The following KIF9 variants were observed in gnomAD, a reference collection of about 807,000 sequenced individuals.
KIF9 encodes the protein kinesin family member 9.
KIF9 carries 68 observed loss-of-function variants against 94.8 expected under a neutral mutation model. The observed-to-expected ratio is 0.72, with a 90% CI of 0.59 to 0.88. The LOEUF is 0.88. KIF9 is among the 40% of genes least tolerant of loss of function. KIF9 has a pLI of 0.00. For missense variants in KIF9, 882 were observed against 982.5 expected (o/e 0.90, Z 1.37); for synonymous variants, 343 against 362.1 (o/e 0.95, Z 0.60).
At chr3:47,237,187 G>C (rs1699091305) in intron 17 of KIF9, among the ~76,000 whole-genome samples, 2 of 152,076 alleles carry the variant, frequency 1.3e-5, no homozygotes, top group South Asian at 4.1e-4. Flanking sequence ...TCTGCCTCCC[G>C]AGTTCAAGCG....
chr3:47,260,896 G>A (rs1331144333), intron 9 of KIF9, among the ~76,000 whole-genome samples: 1 of 152,234 alleles, frequency 6.6e-6, no homozygotes, highest in Non-Finnish European at 1.5e-5. Flanking sequence ...CCCCAAGTGT[G>A]AGGGAGGCGA....
At chr3:47,231,404 CTTTT>C (rs34079988) in intron 20 of KIF9, among the ~76,000 whole-genome samples, 18,000 of 79,268 alleles carry the variant, frequency 0.23, 1,530 homozygotes, top group Middle Eastern at 0.25. Flanking sequence ...TCAGTATCTA[CTTTT>C]TTTTTTTTTT....
chr3:47,272,893 T>C (rs376739498), intron 4 of KIF9, among the ~76,000 whole-genome samples: 11 of 152,188 alleles, frequency 7.2e-5, no homozygotes, highest in African/African-American at 2.7e-4. Flanking sequence ...ATACACTTCT[T>C]ATAGGACAGG....
At chr3:47,257,372 G>T in intron 10 of KIF9, 111 bp downstream of exon 10, 2 of 917,370 alleles carry the variant, frequency 2.2e-6, no homozygotes, top group Admixed American at 1.8e-5. Context: ...ACCCAGGGCT[G>T]CATGGGGATC....
chr3:47,280,243 C>T (rs1322394175), intron 1 of KIF9, among the ~76,000 whole-genome samples: 1 of 152,172 alleles, frequency 6.6e-6, no homozygotes, highest in East Asian at 1.9e-4. Context: ...CTTGGGGAAC[C>T]GGGGAACCAC....
rs979284754 is a variant in KIF9 at position 47,245,713 on chromosome 3, T to G, written c.1290-202A>C. On this transcript the variant is annotated intron_variant, in intron 13 of 20. Coordinates refer to ENST00000684063, the MANE Select transcript of KIF9 (RefSeq NM_182902.4). ...GCATATACCCACTGTCCGACCCCCATACCCACAAGGGCTACCTTATGTCAT... is the reference window on the plus strand; with the variant it reads ...GCATATACCCACTGTCCGACCCCCAGACCCACAAGGGCTACCTTATGTCAT... 5 of 576,966 alleles carry G rather than the reference T, an allele frequency of 8.7e-6. No individual in the cohort carries two copies. In the African/African-American group the frequency reaches 9.4e-5, roughly 11 times the overall value. 35.7% of individuals were successfully genotyped at this position (576,966 alleles called of 1,614,324 possible).
Position 47,267,194 on chromosome 3 carries a change from T to G in KIF9, c.661A>C (p.Thr221Pro). The G allele has an allele frequency of 6.2e-7, 1 of 1,613,506 alleles. No homozygotes were observed. ...CTTGCACCTACCTCTAAGTAGATGG[T>G]GAAAATGCAGTGTGATCTGGAAGAG... ...KNSSRSHCIF[T>P]IYLEAHSRTL... is the part of the protein sequence containing the mutation. The change falls in exon 6 of 21, where the codon ACC (threonine) becomes CCC (proline). Residue 221 changes from threonine to proline, a missense_variant. Transcript: ENST00000684063.
rs1385343430 is a variant in KIF9 at position 47,271,518 on chromosome 3, A to G, written c.367-57T>C. ...AGCAGAACCCCAACAGCCAACTAGC[A>G]TAAGGGGGGCTTCCTAACTCAGAAG... On this transcript the variant is annotated intron_variant, in intron 4 of 20. Transcript: ENST00000684063. The G allele has an allele frequency of 3.9e-6, 5 of 1,274,514 alleles. 1 individual carries two copies. Among genetic ancestry groups the G allele is most frequent in the South Asian group, 3.6e-5 (3 of 83,728 alleles). The allele number at this position is 1,274,514 out of a possible 1,614,324, so 79.0% of individuals were successfully genotyped here.
chr3:47,249,562 T>C (rs1700138097), intron 10 of KIF9, among the ~76,000 whole-genome samples: 1 of 152,218 alleles, frequency 6.6e-6, no homozygotes, highest in African/African-American at 2.4e-5. Flanking sequence ...GCTTTTGAGA[T>C]CTGCCCCCAT....
chr3:47,237,392 CTCACCAGCTACCT>C (rs1699111393), intron 17 of KIF9, among the ~76,000 whole-genome samples: 2 of 152,214 alleles, frequency 1.3e-5, no homozygotes, highest in Non-Finnish European at 2.9e-5. Context: ...CCATGCGCAG[CTCACCAGCTACCT>C]TCTTGTTAGA....
intron 1 of KIF9, chr3:47,282,097 G>C: frequency 1.4e-6 from 1 of 699,668 alleles, no homozygotes; most frequent in Non-Finnish European, 1.8e-6. Context: ...GCGGCAGTGG[G>C]CTTTGGACCC....
At chr3:47,254,909 C>G (rs1700478818) in intron 10 of KIF9, among the ~76,000 whole-genome samples, 1 of 152,228 alleles carries the variant, frequency 6.6e-6, no homozygotes, top group African/African-American at 2.4e-5. Context: ...GGGAATGGAT[C>G]TAGTGACCTG....
At chr3:47,240,061 G>T in intron 17 of KIF9, 1 of 645,618 alleles carries the variant, frequency 1.5e-6, no homozygotes, top group South Asian at 1.9e-5. Context: ...ACTGGCTGAG[G>T]GGCTGGGAAT....
At chr3:47,263,001 C>A (rs575610920) in intron 9 of KIF9, among the ~76,000 whole-genome samples, 2 of 152,010 alleles carry the variant, frequency 1.3e-5, no homozygotes, top group Non-Finnish European at 2.9e-5. Context: ...CAGGTTCAAG[C>A]GATTCTCCTG....
At chr3:47,270,793 C>G (rs1048113095) in intron 5 of KIF9, among the ~76,000 whole-genome samples, 2 of 150,152 alleles carry the variant, frequency 1.3e-5, no homozygotes, top group African/African-American at 4.9e-5. Flanking sequence ...TTTTTCAGCA[C>G]TATCTGAACT....
At chr3:47,271,924 A>G (rs935910124) in intron 4 of KIF9, among the ~76,000 whole-genome samples, 5 of 152,154 alleles carry the variant, frequency 3.3e-5, no homozygotes, top group Non-Finnish European at 2.9e-5. Flanking sequence ...GATCGAGACC[A>G]TCCTGGCCAA....
rs200007411 is a variant in KIF9, at chr3:47,246,233, A to T, written c.1253T>A (p.Ile418Asn). 21 of 1,613,530 alleles carry T rather than the reference A, an allele frequency of 1.3e-5. No individual in the cohort carries two copies. Among genetic ancestry groups the T allele is most frequent in the Non-Finnish European group, 1.8e-5 (21 of 1,179,800 alleles). ...DEIDIISLRQ[I>N]KEVFNQFRVV... ...CCGGAACTGGTTGAACACCTCCTTGATCTGTCTAAGGCTGATTATCTGGAG... is the reference window on the plus strand; with the variant it reads ...CCGGAACTGGTTGAACACCTCCTTGTTCTGTCTAAGGCTGATTATCTGGAG... The change falls in exon 13 of 21, where the codon ATC becomes AAC. Residue 418 changes from isoleucine to asparagine, a missense_variant. By Grantham distance (149) the Ile-to-Asn change is moderately radical (BLOSUM62 -3). Coordinates refer to ENST00000684063, the MANE Select transcript of KIF9 (RefSeq NM_182902.4).
intron 10 of KIF9, chr3:47,250,686 C>T: frequency 3.2e-6 from 1 of 313,106 alleles, no homozygotes; most frequent in Non-Finnish European, 7.0e-6. Flanking sequence ...GATATACCAT[C>T]TGAGTGTCTT....
At position 47,257,879 on chromosome 3, in the gene KIF9, C is replaced by CTGGAG. The variant is rs576295181; in HGVS notation, c.982-324_982-320dup. ...GGCCTCTGCTCAGGTGACCCCCTGC[C>CTGGAG]TGGAGTACCCTTTTCTGTCCTCCTA... On this transcript the variant is annotated intron_variant, in intron 9 of 20. Coordinates refer to ENST00000684063, the MANE Select transcript of KIF9 (RefSeq NM_182902.4). Among the ~76,000 whole-genome samples the CTGGAG allele has an allele frequency of 1.8e-3, 270 of 152,338 alleles. 1 individual carries two copies. Among genetic ancestry groups the CTGGAG allele is most frequent in the African/African-American group, 6.2e-3 (256 of 41,576 alleles).
Sources: gnomAD v4.1 joint callset for allele counts (sites outside exome capture counted in the v4.1 genomes callset) on GRCh38, gnomAD v4.1.1 for gene constraint, MANE v1.5 for transcripts, NCBI Gene and HGNC (gene_info 2026-07-23, HGNC 2026-07-21) for gene names.